Variants in POLA1 observed in about 807,000 individuals in gnomAD.
The protein encoded by POLA1 is DNA polymerase alpha 1, catalytic subunit.
POLA1 carries 15 observed loss-of-function variants against 124.0 expected under a neutral mutation model. The observed-to-expected ratio is 0.12, with a 90% CI of 0.08 to 0.19. The LOEUF is 0.19. Among genes scored for constraint, POLA1 ranks in the 10% least tolerant of loss-of-function variants. POLA1 has a pLI of 1.00. For missense variants in POLA1, 886 were observed against 1,103.4 expected (o/e 0.80, Z 2.79); for synonymous variants, 408 against 389.4 (o/e 1.05, Z -0.56).
intron 4 of POLA1, among the ~76,000 whole-genome samples, chrX:24,712,123 T>A (rs1177150245): frequency 3.6e-5 from 4 of 111,763 alleles, no homozygotes; most frequent in Admixed American, 9.5e-5. Context: ...TCTCACTTTG[T>A]CACCCAGGCA....
chrX:24,760,094 G>T (rs1932771329), intron 26 of POLA1, among the ~76,000 whole-genome samples: 1 of 112,202 alleles, frequency 8.9e-6, no homozygotes, highest in Non-Finnish European at 1.9e-5. Flanking sequence ...TTCACCAGTG[G>T]CATAGAAATC....
At chrX:24,873,430 G>A (rs907617197) in intron 34 of POLA1, among the ~76,000 whole-genome samples, 2 of 111,872 alleles carry the variant, frequency 1.8e-5, no homozygotes, top group Non-Finnish European at 3.8e-5. Flanking sequence ...TGCTTGCAGC[G>A]TTATAATAGT....
chrX:24,994,531 G>A (rs2048577059), intron 36 of POLA1, among the ~76,000 whole-genome samples: 1 of 112,202 alleles, frequency 8.9e-6, no homozygotes, highest in African/African-American at 3.2e-5. Context: ...CATCTTATGG[G>A]GGCGGAGGCC....
chrX:24,696,433 C>T (rs760727692), intron 1 of POLA1, among the ~76,000 whole-genome samples: 1 of 112,004 alleles, frequency 8.9e-6, no homozygotes, highest in Non-Finnish European at 1.9e-5. Flanking sequence ...ACATTGTTGC[C>T]GGTTTTGTAA....
rs138282947 is a variant in POLA1 at position 24,699,490 on chromosome X, C to A, written c.109C>A (p.Arg37Ser). ...GCGAGAAAAAAAATCAAAGAAGGGGCGCCAAGAAGCCCTAGAAAGACTGAA... is the reference window on the plus strand; with the variant it reads ...GCGAGAAAAAAAATCAAAGAAGGGGAGCCAAGAAGCCCTAGAAAGACTGAA... ...ARREKKSKKG[R>S]QEALERLKKA... Residue 37 changes from arginine (R) to serine (S), a missense_variant, in exon 2 of 37, where the codon CGC (arginine) becomes AGC (serine). This residue lies in a region of POLA1 where 49 missense variants were observed against 39.2 expected (regional missense o/e 1.25). Transcript: ENST00000379068. 8.5e-5 allele frequency: 100 copies of A among 1,177,537 alleles called. No individual in the cohort carries two copies. The African/African-American group carries it at 1.1e-3, about 13-fold the overall frequency.
chrX:24,859,260 C>A (rs890982557), intron 34 of POLA1, among the ~76,000 whole-genome samples: 2 of 111,729 alleles, frequency 1.8e-5, no homozygotes, highest in African/African-American at 6.5e-5. Context: ...TTGTTCATTT[C>A]TTACCGATTA....
At chrX:24,878,467 A>G (rs1411830310) in intron 34 of POLA1, among the ~76,000 whole-genome samples, 1 of 111,394 alleles carries the variant, frequency 9.0e-6, no homozygotes, top group African/African-American at 3.3e-5. Context: ...ATCTGAGTTG[A>G]TCTGTGTGCA....
chrX:24,902,636 G>T (rs187026704), intron 35 of POLA1, among the ~76,000 whole-genome samples: 62 of 111,737 alleles, frequency 5.5e-4, no homozygotes, highest in African/African-American at 1.9e-3. Flanking sequence ...GTATCCTTAT[G>T]CCTTGTCCTT....
chrX:24,895,771 G>GT (rs1239816250), intron 35 of POLA1, among the ~76,000 whole-genome samples: 1 of 112,391 alleles, frequency 8.9e-6, no homozygotes, highest in Non-Finnish European at 1.9e-5. Context: ...TCTCTCTTTT[G>GT]TCTTCTCCAA....
intron 34 of POLA1, among the ~76,000 whole-genome samples, chrX:24,860,283 G>A (rs962916055): frequency 1.8e-5 from 2 of 112,657 alleles, no homozygotes; most frequent in African/African-American, 6.4e-5. Context: ...CCTAGCCCTA[G>A]CATGCACAAG....
At chrX:24,775,356 G>C (rs1310523390) in intron 26 of POLA1, 1 of 112,188 alleles carries the variant, frequency 8.9e-6, no homozygotes, top group Non-Finnish European at 1.9e-5. Flanking sequence ...CTGTGTGCCA[G>C]GTGGGTTAAT....
Position 24,956,519 on chromosome X carries a change from C to A in POLA1, c.4261+25970C>A, listed in dbSNP as rs1019096231. 5.5e-5 allele frequency among the ~76,000 whole-genome samples: 6 copies of A among 110,065 alleles called. 1 individual carries two copies. The Admixed American group carries it at 5.8e-4, about 11-fold the overall frequency. On this transcript the variant is annotated intron_variant, in intron 36 of 36. Transcript: ENST00000379068. ...GTAATTCTAGTGTCATTAGTATTCCCGGGGTAACAAAGACTCCCTGACCAA... is the reference window on the plus strand; with the variant it reads ...GTAATTCTAGTGTCATTAGTATTCCAGGGGTAACAAAGACTCCCTGACCAA...
At chrX:24,806,022 G>A (rs1219925178) in intron 26 of POLA1, among the ~76,000 whole-genome samples, 1 of 59,129 alleles carries the variant, frequency 1.7e-5, no homozygotes, top group Non-Finnish European at 3.1e-5. Context: ...GTGTTTGATT[G>A]TTGACTTCTA....
chrX:24,760,430 A>G (rs938214897), intron 26 of POLA1, among the ~76,000 whole-genome samples: 14 of 112,025 alleles, frequency 1.2e-4, no homozygotes, highest in Non-Finnish European at 2.3e-4. Flanking sequence ...GATGGTGTAC[A>G]GGATGTTACC....
intron 26 of POLA1, among the ~76,000 whole-genome samples, chrX:24,793,233 C>T (rs1039548201): frequency 1.2e-4 from 11 of 89,215 alleles, no homozygotes; most frequent in Admixed American, 6.9e-4. Context: ...GCCAAGATCG[C>T]GCCATTGCAC....
At chrX:24,756,284 G>A (rs113603054) in intron 26 of POLA1, among the ~76,000 whole-genome samples, 4,928 of 111,217 alleles carry the variant, frequency 0.044, 292 homozygotes, top group African/African-American at 0.15. Context: ...AGTTTGGGCC[G>A]GGCGCGGTGG....
At chrX:24,969,756 C>T (rs2048277595) in intron 36 of POLA1, among the ~76,000 whole-genome samples, 1 of 110,934 alleles carries the variant, frequency 9.0e-6, no homozygotes, top group African/African-American at 3.3e-5. Flanking sequence ...ATCCCATCAC[C>T]TAGGTATTAA....
intron 35 of POLA1, among the ~76,000 whole-genome samples, chrX:24,905,048 T>C (rs989675982): frequency 1.6e-4 from 17 of 105,049 alleles, no homozygotes; most frequent in African/African-American, 5.0e-4. Context: ...AAAAAAGTTG[T>C]TTATGAACTT....
intron 35 of POLA1, among the ~76,000 whole-genome samples, chrX:24,909,676 T>G (rs1325076692): frequency 8.9e-6 from 1 of 111,735 alleles, no homozygotes; most frequent in African/African-American, 3.3e-5. Flanking sequence ...GCGTGATGCC[T>G]CCAGCTTTGT....
Sources: gnomAD v4.1 joint callset for allele counts (sites outside exome capture counted in the v4.1 genomes callset) on GRCh38, gnomAD v4.1.1 for gene constraint, gnomAD v4.1.1 regional missense constraint, MANE v1.5 for transcripts, NCBI Gene and HGNC (gene_info 2026-07-23, HGNC 2026-07-21) for gene names.